The following UST variants were observed in gnomAD, a reference collection of about 807,000 sequenced individuals.
The protein encoded by UST is uronyl 2-sulfotransferase, also known as chondroitin sulfate 2-O-sulfotransferase.
Under a neutral mutation model 45.6 loss-of-function variants are expected in UST, and 21 were observed. The ratio of observed to expected loss-of-function variants is 0.46; its 90% CI spans 0.33 to 0.66. The LOEUF is 0.66. Among genes scored for constraint, UST ranks in the 30% least tolerant of loss-of-function variants. The probability of loss-of-function intolerance (pLI) is 0.02; values close to 1 mark genes in which losing one functional copy is unlikely to be tolerated. For synonymous variants in UST, 215 were observed against 200.6 expected (o/e 1.07, Z -0.61); for missense variants, 463 against 512.4 (o/e 0.90, Z 0.93).
intron 2 of UST, among the ~76,000 whole-genome samples, chr6:148,921,198 C>T (rs1223471681): frequency 6.6e-6 from 1 of 152,230 alleles, no homozygotes; most frequent in African/African-American, 2.4e-5. Flanking sequence ...GGCTGAGCTT[C>T]ATCCTTTGCC....
In UST at chr6:148,751,095, A is replaced by G. The variant is rs536235940; in HGVS notation, c.247+3418A>G. Among the ~76,000 whole-genome samples the G allele has an allele frequency of 5.3e-5, 8 of 152,338 alleles. No individual in the cohort carries two copies. In the East Asian group the frequency reaches 1.5e-3, roughly 29 times the overall value. ...TTCCAACGCAGAGAATTTGAGAACC[A>G]TTGTTGTTGAGCAACAACAAAGTAT... On this transcript the variant is annotated intron_variant, in intron 1 of 7. Transcript: ENST00000367463.
At chr6:148,965,360 G>A (rs1780768207) in intron 5 of UST, among the ~76,000 whole-genome samples, 2 of 149,990 alleles carry the variant, frequency 1.3e-5, no homozygotes, top group African/African-American at 2.5e-5. Flanking sequence ...TGAAATCCTG[G>A]TCTCTGTGTC....
At chr6:149,071,460 G>T (rs190129616) in intron 7 of UST, among the ~76,000 whole-genome samples, 47 of 152,240 alleles carry the variant, frequency 3.1e-4, no homozygotes, top group African/African-American at 1.1e-3. Context: ...CTTGGATTTG[G>T]CAATGGCTTC....
intron 7 of UST, among the ~76,000 whole-genome samples, chr6:149,046,583 G>A (rs190727063): frequency 3.9e-5 from 6 of 152,292 alleles, no homozygotes; most frequent in Admixed American, 3.9e-4. Context: ...TTTAACTGTC[G>A]GCAATCTCCT....
rs35086035 is a variant in UST, at chr6:148,884,132, C to CAAAAAA, written c.248-2841_248-2836dup. Among the ~76,000 whole-genome samples, 4 of 94,854 alleles carry CAAAAAA rather than the reference C, an allele frequency of 4.2e-5. 1 individual carries two copies. The highest frequency in any genetic ancestry group is 1.2e-4 in the Admixed American group (1 of 8,020). 62.2% of individuals were successfully genotyped at this position (94,854 alleles called of 152,430 possible). Reference sequence around the variant, plus strand: ...TGGGCAACAAAGTGAGACACCGTCTCAAAAAAAAAAAAAAAAAATTGCAGA... The same window carrying CAAAAAA: ...TGGGCAACAAAGTGAGACACCGTCTCAAAAAAAAAAAAAAAAAAAAAAAATTGCAGA... On this transcript the variant is annotated intron_variant, in intron 1 of 7. Transcript: ENST00000367463.
At chr6:148,982,550 G>A (rs1202254379) in intron 5 of UST, among the ~76,000 whole-genome samples, 2 of 152,148 alleles carry the variant, frequency 1.3e-5, no homozygotes, top group Non-Finnish European at 2.9e-5. Context: ...AGGATGCTTT[G>A]TATCCTCAGC....
At chr6:148,887,956 G>A (rs1397393779) in intron 2 of UST, among the ~76,000 whole-genome samples, 2 of 152,264 alleles carry the variant, frequency 1.3e-5, no homozygotes, top group Admixed American at 6.5e-5. Context: ...GTAAATACAC[G>A]GTGAGAAGAT....
At chr6:148,892,219 A>G (rs563683423) in intron 2 of UST, among the ~76,000 whole-genome samples, 8 of 152,308 alleles carry the variant, frequency 5.3e-5, no homozygotes, top group Admixed American at 6.5e-5. Flanking sequence ...CATCATCATT[A>G]GAGTCTTCAG....
intron 5 of UST, among the ~76,000 whole-genome samples, chr6:148,968,474 G>A (rs1780850306): frequency 6.6e-6 from 1 of 152,210 alleles, no homozygotes; most frequent in African/African-American, 2.4e-5. Flanking sequence ...CCAGTGTGGA[G>A]GTGGCTGCCT....
chr6:148,906,805 C>G (rs1327216086), intron 2 of UST, among the ~76,000 whole-genome samples: 1 of 152,186 alleles, frequency 6.6e-6, no homozygotes, highest in Non-Finnish European at 1.5e-5. Context: ...ATCTAAAATG[C>G]TTAGCACAGG....
At chr6:148,904,247 A>T (rs1456884983) in intron 2 of UST, among the ~76,000 whole-genome samples, 1 of 152,156 alleles carries the variant, frequency 6.6e-6, no homozygotes, top group Non-Finnish European at 1.5e-5. Flanking sequence ...CTTGTGGGGG[A>T]TAGTAAACAG....
intron 4 of UST, among the ~76,000 whole-genome samples, chr6:148,957,470 T>C (rs187337467): frequency 3.1e-4 from 47 of 152,106 alleles, no homozygotes; most frequent in Admixed American, 2.6e-3. Flanking sequence ...TGAGATGGAG[T>C]CTTACTCTGT....
intron 1 of UST, among the ~76,000 whole-genome samples, chr6:148,764,892 T>A (rs2114663632): frequency 6.6e-6 from 1 of 152,270 alleles, no homozygotes; most frequent in East Asian, 1.9e-4. Context: ...TTCCTAATCC[T>A]AGCAAGCCTG....
chr6:148,898,208 C>T (rs1779173665), intron 2 of UST, among the ~76,000 whole-genome samples: 1 of 152,194 alleles, frequency 6.6e-6, no homozygotes, highest in Non-Finnish European at 1.5e-5. Context: ...GAAAGAGTCC[C>T]TTCCACCCTC....
chr6:149,060,164 C>T (rs901794939), intron 7 of UST, among the ~76,000 whole-genome samples: 4 of 152,234 alleles, frequency 2.6e-5, no homozygotes, highest in African/African-American at 9.6e-5. Flanking sequence ...ATCAAAGATT[C>T]TCTTGAAGGT....
rs74777617 is a variant in UST at position 148,950,495 on chromosome 6, G to A, written c.448-3377G>A. Among the ~76,000 whole-genome samples the A allele has an allele frequency of 3.1e-4, 47 of 152,266 alleles. No homozygotes were observed. The East Asian group carries it at 7.5e-3, about 24-fold the overall frequency. On this transcript the variant is annotated intron_variant, in intron 3 of 7. Coordinates refer to ENST00000367463, the MANE Select transcript of UST (RefSeq NM_005715.3). ...CAGAATTCCTGCTGTGATCTGCAGTGCCCTCCATTACCTGACTCTTACCTG... is the reference window on the plus strand; with the variant it reads ...CAGAATTCCTGCTGTGATCTGCAGTACCCTCCATTACCTGACTCTTACCTG...
intron 5 of UST, among the ~76,000 whole-genome samples, chr6:149,000,538 T>C (rs1430537354): frequency 6.6e-6 from 1 of 151,636 alleles, no homozygotes; most frequent in Non-Finnish European, 1.5e-5. Flanking sequence ...AAAATGAGCC[T>C]ACAGACCATA....
rs549463696 is a variant in UST, at chr6:149,068,068, A to G, written c.938-5765A>G. On this transcript the variant is annotated intron_variant, in intron 7 of 7. Transcript: ENST00000367463. ...ATCGGCCCTTTTCTCCTCCCAAACT[A>G]TAAAGCCATTAGCCATTCCCTCCAA... Among the ~76,000 whole-genome samples the G allele has an allele frequency of 6.5e-4, 99 of 152,152 alleles. 3 individuals carry two copies. The South Asian group carries it at 0.02, about 30-fold the overall frequency.
In UST at chr6:149,043,225, C is replaced by T. The variant is rs891261452; in HGVS notation, c.937+21744C>T. The stretch of plus-strand genomic sequence containing the variant: ...TTGGGACCAAATTCTGTCCTCCTGC[C>T]TCAGCCTCCCAAGTAGCTAGGACCA... On this transcript the variant is annotated intron_variant, in intron 7 of 7. Transcript: ENST00000367463. Among the ~76,000 whole-genome samples, 98 of 151,902 alleles carry T rather than the reference C, an allele frequency of 6.5e-4. 1 individual carries two copies. Among genetic ancestry groups the T allele is most frequent in the South Asian group, 1.0e-3 (5 of 4,816 alleles).
Sources: allele counts gnomAD v4.1 joint callset (sites outside exome capture counted in the v4.1 genomes callset), GRCh38; gene constraint gnomAD v4.1.1; transcripts MANE v1.5; gene names NCBI Gene and HGNC (gene_info 2026-07-23, HGNC 2026-07-21).